Variants in PDGFA observed in about 807,000 individuals in gnomAD.
PDGFA encodes platelet derived growth factor subunit A, also known as platelet-derived growth factor subunit A.
In PDGFA, 9 loss-of-function variants were observed where a neutral mutation model predicts 25.6. That is an observed-to-expected ratio of 0.35 (90% CI 0.21 to 0.61). PDGFA has a LOEUF of 0.61. Among genes scored for constraint, PDGFA ranks in the 20% least tolerant of loss-of-function variants. The pLI is 0.75. For missense variants in PDGFA, 242 were observed against 272.8 expected (o/e 0.89, Z 0.79); for synonymous variants, 133 against 111.8 (o/e 1.19, Z -1.20).
chr7:501,015 C>A, intron 5 of PDGFA, 101 bp downstream of exon 5: 2 of 1,608,452 alleles, frequency 1.2e-6, no homozygotes, highest in Non-Finnish European at 1.7e-6. Context: ...CAGATGCTCA[C>A]AGCAGTAAGC....
Position 512,636 on chromosome 7 carries a change from G to C in PDGFA, c.161-181C>G, listed in dbSNP as rs974684399. On this transcript the variant is annotated intron_variant, in intron 2 of 5. Coordinates refer to ENST00000402802, the Ensembl canonical transcript of PDGFA. ...CAGGAGAACCTCGATTCCCACCAGG[G>C]CTTTCCAGAGATGCAGGGCATGAAA... 23 of 1,527,584 alleles carry C rather than the reference G, an allele frequency of 1.5e-5. No homozygotes were observed. In the African/African-American group the frequency reaches 2.9e-4, roughly 19 times the overall value. 94.6% of individuals were successfully genotyped at this position (1,527,584 alleles called of 1,614,324 possible). A position where few individuals can be genotyped will look rare whatever the true frequency, so the allele number is the denominator to read the frequency against.
At chr7:509,881 G>T (rs140260604) in intron 4 of PDGFA, among the ~76,000 whole-genome samples, 34,430 of 152,162 alleles carry the variant, frequency 0.23, 4,375 homozygotes, top group Non-Finnish European at 0.29. Context: ...TAAAGAAAGA[G>T]GGGCTCACCC....
chr7:510,550 A>G, intron 4 of PDGFA, among the ~76,000 whole-genome samples: 1 of 48,888 alleles, frequency 2.0e-5, no homozygotes, highest in Non-Finnish European at 3.6e-5. Flanking sequence ...CGCGGGAGGG[A>G]CCCTGGCTGC....
chr7:499,294 G>A (rs538811258), intron 5 of PDGFA, among the ~76,000 whole-genome samples: 4 of 152,332 alleles, frequency 2.6e-5, no homozygotes, highest in South Asian at 2.1e-4. Context: ...TCAAAGACCC[G>A]CCCAAGTGGA....
intron 2 of PDGFA, among the ~76,000 whole-genome samples, chr7:516,104 C>T (rs1376612521): frequency 7.0e-6 from 1 of 142,542 alleles, no homozygotes; most frequent in Non-Finnish European, 1.5e-5. Flanking sequence ...GGATTCCCCC[C>T]CACAAACCAG....
At chr7:511,112 G>T in intron 3 of PDGFA, 116 bp from the exon 4 acceptor site, 5 of 766,380 alleles carry the variant, frequency 6.5e-6, no homozygotes, top group South Asian at 1.7e-5. Context: ...CACAGGCCAG[G>T]ATTCCTCCCA....
intron 2 of PDGFA, among the ~76,000 whole-genome samples, chr7:515,226 C>T (rs1199669604): frequency 6.6e-6 from 1 of 152,192 alleles, no homozygotes; most frequent in Non-Finnish European, 1.5e-5. Flanking sequence ...CGTTGGGTTT[C>T]TCCCAGCACC....
Position 517,812 on chromosome 7 carries a change from G to A in PDGFA, c.64-322C>T, listed in dbSNP as rs1783178711. On this transcript the variant is annotated intron_variant, in intron 1 of 5. Coordinates refer to ENST00000402802, the Ensembl canonical transcript of PDGFA. This position sits in a 1 kb window ranked among gnomAD's most constrained non-coding sequence, Gnocchi z 7.4. ...GGTGTCAGTTACAGAAGGTCTAGGG[G>A]GCAGCGAGGGGGCCGAAAGTTTCTG... Among the ~76,000 whole-genome samples, 1 of 152,116 alleles carries A rather than the reference G, an allele frequency of 6.6e-6. No homozygotes were observed. Among genetic ancestry groups the A allele is most frequent in the African/African-American group, 2.4e-5 (1 of 41,506 alleles).
chr7:518,647 G>A (rs1266365034), intron 1 of PDGFA: 4 of 361,694 alleles, frequency 1.1e-5, no homozygotes, highest in African/African-American at 8.5e-5. Context: ...AGCGCCCGCT[G>A]CGCCCCAGCT....
chr7:503,196 C>T (rs1782424162), intron 4 of PDGFA, among the ~76,000 whole-genome samples: 1 of 152,174 alleles, frequency 6.6e-6, no homozygotes. Context: ...TCCCACCTGC[C>T]CCCTGGAGCA....
intron 4 of PDGFA, among the ~76,000 whole-genome samples, chr7:503,238 C>G (rs1235112702): frequency 6.6e-6 from 1 of 152,216 alleles, no homozygotes; most frequent in Non-Finnish European, 1.5e-5. Context: ...CCTTCCTGCC[C>G]TCCCAGGCCC....
Position 500,603 on chromosome 7 carries a change from G to C in PDGFA, c.580+513C>G. Reference sequence around the variant, plus strand: ...GGCATTTGTTTATCTTTCCAGAAGAGAAGGCCAGCACCCTGGCACCGAGAA... The same window carrying C: ...GGCATTTGTTTATCTTTCCAGAAGACAAGGCCAGCACCCTGGCACCGAGAA... On this transcript the variant is annotated intron_variant, in intron 5 of 5. Transcript: ENST00000402802. The surrounding 1 kb of genome is among the most constrained non-coding windows in gnomAD (Gnocchi z 5.0). The C allele has an allele frequency of 6.3e-7, 1 of 1,578,592 alleles. No homozygotes were observed.
chr7:504,838 G>A (rs567093089), intron 4 of PDGFA, among the ~76,000 whole-genome samples: 3 of 152,338 alleles, frequency 2.0e-5, no homozygotes, highest in Admixed American at 6.5e-5. Flanking sequence ...GACACCAGAC[G>A]CCCAGGCGAG....
rs146157518 is a variant in PDGFA at position 509,956 on chromosome 7, C to T, written c.453+853G>A. 3.7e-3 allele frequency among the ~76,000 whole-genome samples: 568 copies of T among 152,284 alleles called. 2 individuals are homozygous for T. Among genetic ancestry groups the T allele is most frequent in the African/African-American group, 0.013 (533 of 41,558 alleles). ...CCCACCCCAAGCACTCCTTCTCCTT[C>T]TCCTGGGCTGCTTTAGGGGGGAAGC... is the stretch of plus-strand genomic sequence containing the variant. On this transcript the variant is annotated intron_variant, in intron 4 of 5. Transcript: ENST00000402802.
exon 1 of PDGFA, chr7:518,993 G>A: frequency 1.3e-6 from 2 of 1,537,254 alleles, no homozygotes; most frequent in Non-Finnish European, 8.7e-7. Context: ...GGCAAGCCAA[G>A]GTCCTCATCG....
chr7:515,134 A>C (rs1359968654), intron 2 of PDGFA, among the ~76,000 whole-genome samples: 1 of 152,138 alleles, frequency 6.6e-6, no homozygotes, highest in African/African-American at 2.4e-5. Flanking sequence ...TCTGCTTCCT[A>C]CAGCGTGGGC....
chr7:513,743 A>G lies in PDGFA; in HGVS notation c.161-1288T>C, dbSNP rs145046613. Among the ~76,000 whole-genome samples, 663 of 152,244 alleles carry G rather than the reference A, an allele frequency of 4.4e-3. 5 individuals carry two copies. Among genetic ancestry groups the G allele is most frequent in the African/African-American group, 0.016 (648 of 41,534 alleles). On this transcript the variant is annotated intron_variant, in intron 2 of 5. Transcript: ENST00000402802. ...AGGCATCCGTGACTATCCACAAACC[A>G]ACCGGAGAAACCTCAGCTTCCTCCG...
Position 502,310 on chromosome 7 carries a change from C to T in PDGFA, c.454-1068G>A, listed in dbSNP as rs527851246. ...AGCCCAAGGTTGCTGTGGACTTGAG[C>T]GTCCAGATGATAATCCCAGCTGCTG... On this transcript the variant is annotated intron_variant, in intron 4 of 5. Coordinates refer to ENST00000402802, the Ensembl canonical transcript of PDGFA. Among the ~76,000 whole-genome samples, 30 of 152,208 alleles carry T rather than the reference C, an allele frequency of 2.0e-4. No individual in the cohort carries two copies. In the South Asian group the frequency reaches 4.2e-3, roughly 21 times the overall value.
chr7:505,028 G>A (rs564529977), intron 4 of PDGFA, among the ~76,000 whole-genome samples: 34 of 152,334 alleles, frequency 2.2e-4, no homozygotes, highest in African/African-American at 7.5e-4. Context: ...AACAAACAGC[G>A]ATGATTGCAC....
Sources: allele counts gnomAD v4.1 joint callset (sites outside exome capture counted in the v4.1 genomes callset), GRCh38; gene constraint gnomAD v4.1.1; non-coding constraint Gnocchi (gnomAD v3.1); transcripts MANE v1.5; gene names NCBI Gene and HGNC (gene_info 2026-07-23, HGNC 2026-07-21).